The following CSMD1 variants were observed in gnomAD, a reference collection of about 807,000 sequenced individuals.
CSMD1 encodes CUB and Sushi multiple domains 1.
CSMD1 carries 213 observed loss-of-function variants against 417.5 expected under a neutral mutation model. That is an observed-to-expected ratio of 0.51 (90% confidence interval 0.46 to 0.57). The LOEUF (loss-of-function observed/expected upper bound fraction) is 0.57, where lower values mean the gene tolerates loss of function less well. Among genes scored for constraint, CSMD1 ranks in the 20% least tolerant of loss-of-function variants. CSMD1 has a pLI of 0.00. For synonymous variants in CSMD1, 2,862 were observed against 1,736.8 expected, an observed-to-expected ratio of 1.65 and a Z score of -16.11; for missense variants, 6,923 against 4,529.7, an observed-to-expected ratio of 1.53 and a Z score of -15.17.
chr8:4,231,038 G>A (rs1385192201), intron 3 of CSMD1, among the ~76,000 whole-genome samples: 1 of 152,110 alleles, frequency 6.6e-6, no homozygotes, highest in Non-Finnish European at 1.5e-5. Flanking sequence ...TATCCAACTT[G>A]CTACCGTGGG....
chr8:3,999,431 T>C (rs1194163099), intron 4 of CSMD1, among the ~76,000 whole-genome samples: 1 of 152,186 alleles, frequency 6.6e-6, no homozygotes, highest in Non-Finnish European at 1.5e-5. Context: ...TTCCAATATT[T>C]CTTTCATCTT....
In CSMD1 at chr8:4,416,957, C is replaced by G. The variant is rs902942112; in HGVS notation, c.415+2996G>C. Reference sequence around the variant, plus strand: ...AAACTATGTGTAATCCTAATAGTTTCTGTTATTAATTTGTCAAAGACAGCT... The same window carrying G: ...AAACTATGTGTAATCCTAATAGTTTGTGTTATTAATTTGTCAAAGACAGCT... On this transcript the variant is annotated intron_variant, in intron 3 of 69. Transcript: ENST00000635120. 2.6e-5 allele frequency among the ~76,000 whole-genome samples: 4 copies of G among 152,046 alleles called. No individual in the cohort carries two copies. The South Asian group carries it at 6.2e-4, about 24-fold the overall frequency.
At chr8:3,716,096 G>C (rs972248268) in intron 6 of CSMD1, among the ~76,000 whole-genome samples, 1 of 152,192 alleles carries the variant, frequency 6.6e-6, no homozygotes, top group Non-Finnish European at 1.5e-5. Flanking sequence ...CCTCCTGAAA[G>C]CACTTTCTGC....
At chr8:3,310,987 G>C (rs552929657) in intron 23 of CSMD1, among the ~76,000 whole-genome samples, 69 of 152,302 alleles carry the variant, frequency 4.5e-4, no homozygotes, top group Admixed American at 2.0e-3. Context: ...GGACTAAGAA[G>C]TGGTCAAGAT....
At chr8:4,927,713 G>T (rs887747566) in intron 1 of CSMD1, among the ~76,000 whole-genome samples, 1 of 152,154 alleles carries the variant, frequency 6.6e-6, no homozygotes, top group African/African-American at 2.4e-5. Context: ...TATGTCAGAT[G>T]ATACTTATCT....
chr8:3,607,949 C>T (rs1801700860), intron 8 of CSMD1, among the ~76,000 whole-genome samples: 1 of 152,092 alleles, frequency 6.6e-6, no homozygotes, highest in African/African-American at 2.4e-5. Flanking sequence ...GCAGGCGGAT[C>T]ACTTGAGGTC....
At chr8:4,723,484 C>G (rs1218844388) in intron 1 of CSMD1, among the ~76,000 whole-genome samples, 1 of 152,092 alleles carries the variant, frequency 6.6e-6, no homozygotes, top group African/African-American at 2.4e-5. Context: ...AGTGTGTTAC[C>G]TGACAACACG....
At chr8:4,859,508 T>G (rs1472973181) in intron 1 of CSMD1, among the ~76,000 whole-genome samples, 2 of 151,998 alleles carry the variant, frequency 1.3e-5, no homozygotes, top group Non-Finnish European at 2.9e-5. Flanking sequence ...CGCAACCTAC[T>G]CATCTGACCA....
chr8:4,729,908 A>G (rs972658015), intron 1 of CSMD1, among the ~76,000 whole-genome samples: 1 of 152,096 alleles, frequency 6.6e-6, no homozygotes, highest in Non-Finnish European at 1.5e-5. Context: ...CTTCAGCGGG[A>G]GTTTTGATTT....
At chr8:4,735,753 C>T (rs147953376) in intron 1 of CSMD1, among the ~76,000 whole-genome samples, 1 of 152,132 alleles carries the variant, frequency 6.6e-6, no homozygotes, top group African/African-American at 2.4e-5. Flanking sequence ...GACTGTTAGT[C>T]TTCCTAGTTG....
intron 5 of CSMD1, among the ~76,000 whole-genome samples, chr8:3,905,037 C>A (rs1267270428): frequency 1.3e-5 from 2 of 152,136 alleles, no homozygotes; most frequent in African/African-American, 4.8e-5. Flanking sequence ...GTACTGGTGA[C>A]TGATTTTCTC....
chr8:3,901,857 A>T (rs1440425580), intron 5 of CSMD1, among the ~76,000 whole-genome samples: 1 of 152,184 alleles, frequency 6.6e-6, no homozygotes, highest in Admixed American at 6.5e-5. Flanking sequence ...TGGTTTTATT[A>T]TACTGTACTC....
intron 1 of CSMD1, among the ~76,000 whole-genome samples, chr8:4,831,805 C>G (rs1800166959): frequency 6.6e-6 from 1 of 152,166 alleles, no homozygotes; most frequent in Non-Finnish European, 1.5e-5. Context: ...CAGGGACCAG[C>G]ATCTCCCACC....
At chr8:4,763,341 C>T (rs746283292) in intron 1 of CSMD1, among the ~76,000 whole-genome samples, 11 of 152,162 alleles carry the variant, frequency 7.2e-5, no homozygotes, top group Non-Finnish European at 1.6e-4. Flanking sequence ...ATTATCACAG[C>T]AAGATTTCCT....
chr8:4,295,356 T>A (rs892938618), intron 3 of CSMD1, among the ~76,000 whole-genome samples: 1 of 143,612 alleles, frequency 7.0e-6, no homozygotes, highest in Non-Finnish European at 1.5e-5. Flanking sequence ...ACATATAACC[T>A]TAAGATTATA....
intron 63 of CSMD1, among the ~76,000 whole-genome samples, chr8:2,957,368 C>A (rs972843530): frequency 6.6e-6 from 1 of 152,122 alleles, no homozygotes; most frequent in African/African-American, 2.4e-5. Flanking sequence ...CACTTATCTT[C>A]GGTTTCATGC....
At chr8:3,689,140 G>A (rs1002730495) in intron 7 of CSMD1, among the ~76,000 whole-genome samples, 1 of 152,154 alleles carries the variant, frequency 6.6e-6, no homozygotes, top group Non-Finnish European at 1.5e-5. Context: ...TTTGGTTTAA[G>A]TTGTGAGACA....
At chr8:4,779,448 A>G (rs577642604) in intron 1 of CSMD1, among the ~76,000 whole-genome samples, 3 of 152,108 alleles carry the variant, frequency 2.0e-5, no homozygotes, top group African/African-American at 7.2e-5. Flanking sequence ...ACCACAATGT[A>G]TATTTAATGA....
chr8:3,265,773 A>G (rs1563202972), intron 26 of CSMD1, among the ~76,000 whole-genome samples: 1 of 152,000 alleles, frequency 6.6e-6, no homozygotes, highest in African/African-American at 2.4e-5. Flanking sequence ...CTTCAGCATG[A>G]CTTTGATGCA....
Sources: allele counts gnomAD v4.1 joint callset (sites outside exome capture counted in the v4.1 genomes callset), GRCh38; gene constraint gnomAD v4.1.1; transcripts MANE v1.5; gene names NCBI Gene and HGNC (gene_info 2026-07-23, HGNC 2026-07-21).